The following ZNF3 variants were observed in gnomAD, a reference collection of about 807,000 sequenced individuals.
ZNF3 encodes zinc finger protein 3.
In ZNF3, 16 loss-of-function variants were observed where a neutral mutation model predicts 36.9. The observed-to-expected ratio is 0.43, with a 90% CI of 0.29 to 0.66. The LOEUF is 0.66. ZNF3 is among the 30% of genes least tolerant of loss of function. The pLI, the probability that ZNF3 is intolerant of heterozygous loss-of-function variation, is 0.13. For synonymous variants in ZNF3, 201 were observed against 201.9 expected (o/e 1.00, Z 0.04); for missense variants, 462 against 543.1 (o/e 0.85, Z 1.48).
rs1033670703 is a variant in ZNF3, at chr7:100,070,135, C to A, written c.*1008G>T. 1 of 985,588 alleles carries A rather than the reference C, an allele frequency of 1.0e-6. No homozygotes were observed. Among genetic ancestry groups the A allele is most frequent in the Admixed American group, 6.2e-5 (1 of 16,198 alleles). The allele number at this position is 985,588 out of a possible 1,614,324, so 61.1% of individuals were successfully genotyped here. On this transcript the variant is annotated 3_prime_UTR_variant, in exon 6 of 6. Coordinates refer to ENST00000299667, the MANE Select transcript of ZNF3 (RefSeq NM_032924.5). ...TGCTACCAGGCTCAGGCACAGCCTG[C>A]CTTCTCTGGGCTTCGTTTTTTTGTT...
rs1256969522 is a variant in ZNF3, at chr7:100,071,996, T to G, written c.488A>C (p.Lys163Thr). The change falls in exon 6 of 6, where the codon AAG (lysine) becomes ACG (threonine). Residue 163 changes from lysine (K) to threonine (T), a missense_variant. Transcript: ENST00000299667. ...PDFGQVTVEE[K>T]LTPRGERSEK... Reference sequence around the variant, plus strand: ...GCTTCTCTCTCCCCTGGGGGTTAGCTTCTCCTCAACTGTCACTTGACCAAA... The same window carrying G: ...GCTTCTCTCTCCCCTGGGGGTTAGCGTCTCCTCAACTGTCACTTGACCAAA... 2 of 1,613,910 alleles carry G rather than the reference T, an allele frequency of 1.2e-6. No individual in the cohort carries two copies. The highest frequency in any genetic ancestry group is 2.7e-5 in the African/African-American group (2 of 74,918).
At position 100,070,842 on chromosome 7, in the gene ZNF3, C is replaced by T; in HGVS notation, c.*301G>A. ...TCGAATTCTGTCCCGACTGTGCTTC[C>T]ATCCCCACCTTGGAAAGGTTCCTCT... On this transcript the variant is annotated 3_prime_UTR_variant, in exon 6 of 6. Coordinates refer to ENST00000299667, the MANE Select transcript of ZNF3 (RefSeq NM_032924.5). 8.7e-7 allele frequency: 1 copy of T among 1,149,764 alleles called. No homozygotes were observed. The highest frequency in any genetic ancestry group is 1.1e-6 in the Non-Finnish European group (1 of 933,418). 71.2% of individuals were successfully genotyped at this position (1,149,764 alleles called of 1,614,324 possible). A position where few individuals can be genotyped will look rare whatever the true frequency, so the allele number is the denominator to read the frequency against.
intron 5 of ZNF3, among the ~76,000 whole-genome samples, chr7:100,072,794 A>C (rs1351057411): frequency 6.6e-6 from 1 of 152,240 alleles, no homozygotes; most frequent in Admixed American, 6.5e-5. Flanking sequence ...TATGCATAAA[A>C]GGCTATGCTC....
exon 6 of ZNF3, chr7:100,064,437 G>T: frequency 1.2e-6 from 2 of 1,613,934 alleles, no homozygotes; most frequent in Non-Finnish European, 1.7e-6. Context: ...CCGGAGAGAA[G>T]CCATATAAGT....
At chr7:100,069,942 G>A (rs1792869339), downstream of ZNF3, 8 of 985,790 alleles carry the variant, frequency 8.1e-6, no homozygotes, top group Non-Finnish European at 9.6e-6. Flanking sequence ...GAAATATATG[G>A]TCCAAACATT....
exon 6 of ZNF3, chr7:100,064,727 T>C (rs1304224412): frequency 6.2e-7 from 1 of 1,612,136 alleles, no homozygotes; most frequent in Non-Finnish European, 8.5e-7. Context: ...TTTGTATCAC[T>C]CAACATCAGG....
chr7:100,079,744 C>T (rs1794701157), intron 1 of ZNF3, 88 bp from the exon 2 acceptor site: 1 of 152,124 alleles, frequency 6.6e-6, no homozygotes, highest in South Asian at 2.1e-4. Context: ...CTCTGCTGCT[C>T]AGGCTGGAGT....
chr7:100,073,252 G>A (rs6960432), intron 5 of ZNF3, among the ~76,000 whole-genome samples: 1 of 152,032 alleles, frequency 6.6e-6, no homozygotes, highest in African/African-American at 2.4e-5. Context: ...TTAGGAAGAC[G>A]TCCTGGCTCT....
chr7:100,075,585 C>G lies in ZNF3; in HGVS notation c.101G>C (p.Gly34Ala). ...GAGCGCAGCCGCCAACATCTCATCC[C>G]CCAGGCTGTCCTTGTCGGAAAAGGC... ...VPAFSDKDSLGDEMLAAALLK... is the reference protein window; with the variant it reads ...VPAFSDKDSLADEMLAAALLK... The change falls in exon 4 of 6, where the codon GGG becomes GCG. Residue 34 changes from glycine (G) to alanine (A), a missense_variant. Coordinates refer to ENST00000299667, the MANE Select transcript of ZNF3 (RefSeq NM_032924.5). 1 of 1,614,118 alleles carries G rather than the reference C, an allele frequency of 6.2e-7. No individual in the cohort carries two copies. The highest frequency in any genetic ancestry group is 1.1e-5 in the South Asian group (1 of 91,074).
At chr7:100,069,606 C>A (rs1157482440), downstream of ZNF3, among the ~76,000 whole-genome samples, 1 of 151,318 alleles carries the variant, frequency 6.6e-6, no homozygotes, top group Non-Finnish European at 1.5e-5. Context: ...TTTATAGTTA[C>A]CAACATGTCT....
rs1794997256 is a variant in ZNF3 at position 100,081,538 on chromosome 7, G to A, written c.-198+97C>T. ...CCCCGAACCCTGCTCCGGGCCGGCC[G>A]GGGGACCCTGCGGGCCGCAGTGGCA... is the stretch of plus-strand genomic sequence containing the variant. On this transcript the variant is annotated intron_variant, in intron 1 of 5. Transcript: ENST00000299667. This position sits in a 1 kb window ranked among gnomAD's most constrained non-coding sequence, Gnocchi z 4.3. 1 of 152,446 alleles carries A rather than the reference G, an allele frequency of 6.6e-6. No homozygotes were observed. Among genetic ancestry groups the A allele is most frequent in the South Asian group, 2.1e-4 (1 of 4,840 alleles). 9.4% of individuals were successfully genotyped at this position (152,446 alleles called of 1,614,324 possible).
At chr7:100,064,019 G>T (rs1584390411), downstream of ZNF3, 1 of 1,614,166 alleles carries the variant, frequency 6.2e-7, no homozygotes. Context: ...CCAGGAGAGA[G>T]ACGTTATATA....
At chr7:100,077,504 A>G in intron 2 of ZNF3, 71 bp from the exon 3 acceptor site, 2 of 1,438,918 alleles carry the variant, frequency 1.4e-6, no homozygotes, top group Non-Finnish European at 1.9e-6. Context: ...GATGGGAGCT[A>G]GTATTTCAGT....
At chr7:100,068,996 A>ATT (rs531579814), downstream of ZNF3, among the ~76,000 whole-genome samples, 1 of 146,886 alleles carries the variant, frequency 6.8e-6, no homozygotes, top group African/African-American at 2.5e-5. Flanking sequence ...TATATATATA[A>ATT]TTTTTTTTTT....
At chr7:100,065,198 C>A (rs1792583967), downstream of ZNF3, among the ~76,000 whole-genome samples, 1 of 152,072 alleles carries the variant, frequency 6.6e-6, no homozygotes, top group South Asian at 2.1e-4. Context: ...AAGCCTGAGG[C>A]GGTCGATCAC....
downstream of ZNF3, among the ~76,000 whole-genome samples, chr7:100,068,499 C>T (rs1268396472): frequency 6.6e-6 from 1 of 151,642 alleles, no homozygotes; most frequent in Non-Finnish European, 1.5e-5. Flanking sequence ...TGGTGAAATC[C>T]CGTTGTCTAT....
At chr7:100,068,282 C>A (rs1026056160), downstream of ZNF3, among the ~76,000 whole-genome samples, 1 of 152,036 alleles carries the variant, frequency 6.6e-6, no homozygotes, top group Non-Finnish European at 1.5e-5. Context: ...AGAGTTTTAC[C>A]GTGTTGGCCA....
exon 6 of ZNF3, chr7:100,064,332 T>C (rs1483690248): frequency 6.2e-7 from 1 of 1,613,590 alleles, no homozygotes; most frequent in Non-Finnish European, 8.5e-7. Flanking sequence ...TTCGTCACTA[T>C]CGGATCCACA....
downstream of ZNF3, among the ~76,000 whole-genome samples, chr7:100,069,599 A>G (rs1358269278): frequency 1.3e-5 from 2 of 149,760 alleles, no homozygotes; most frequent in South Asian, 4.2e-4. Flanking sequence ...AATTCCATTT[A>G]TAGTTACCAA....
Sources: allele counts gnomAD v4.1 joint callset (sites outside exome capture counted in the v4.1 genomes callset), GRCh38; gene constraint gnomAD v4.1.1; non-coding constraint Gnocchi (gnomAD v3.1); transcripts MANE v1.5; gene names NCBI Gene and HGNC (gene_info 2026-07-23, HGNC 2026-07-21).